SLC8A3: variants seen among roughly 807,000 people sequenced by gnomAD.
The protein encoded by SLC8A3 is sodium/calcium exchanger 3.
A neutral mutation model predicts 65.4 loss-of-function variants in SLC8A3; 37 were observed. The observed-to-expected ratio is 0.57, with a 90% CI of 0.44 to 0.74. The LOEUF (loss-of-function observed/expected upper bound fraction) is 0.74. Among genes scored for constraint, SLC8A3 ranks in the 30% least tolerant of loss-of-function variants. The pLI, the probability that SLC8A3 is intolerant of heterozygous loss-of-function variation, is 0.00. For missense variants in SLC8A3, 1,112 were observed against 1,172.1 expected (o/e 0.95, Z 0.75); for synonymous variants, 461 against 444.5 (o/e 1.04, Z -0.47).
chr14:70,146,433 A>G (rs1381590957), intron 2 of SLC8A3, among the ~76,000 whole-genome samples: 1 of 152,122 alleles, frequency 6.6e-6, no homozygotes, highest in Non-Finnish European at 1.5e-5. Context: ...AAGAGTTGGG[A>G]GACATATTGA....
intron 1 of SLC8A3, among the ~76,000 whole-genome samples, chr14:70,169,262 T>C (rs934952366): frequency 2.0e-5 from 3 of 152,148 alleles, no homozygotes; most frequent in Non-Finnish European, 4.4e-5. Flanking sequence ...AGTTGATAAA[T>C]GGTGAATGCC....
At chr14:70,144,317 T>TTTG (rs1895766599) in intron 2 of SLC8A3, among the ~76,000 whole-genome samples, 1 of 140,778 alleles carries the variant, frequency 7.1e-6, no homozygotes, top group Non-Finnish European at 1.5e-5. Context: ...TGTTTTTTTT[T>TTTG]TTTTTTTTTT....
At position 70,164,291 on chromosome 14, in the gene SLC8A3, G is replaced by A. The variant is rs114965654; in HGVS notation, c.1784+2348C>T. ...TTAGAACCCACGATTTTTCTGCTCC[G>A]TAATACTGCCTCTAGTTGTAAAATT... On this transcript the variant is annotated intron_variant, in intron 2 of 6. Transcript: ENST00000356921. Among the ~76,000 whole-genome samples, 570 of 152,212 alleles carry A rather than the reference G, an allele frequency of 3.7e-3. 3 individuals carry two copies. Among genetic ancestry groups the A allele is most frequent in the African/African-American group, 0.013 (528 of 41,542 alleles).
At chr14:70,068,160 G>T (rs560328805) in intron 2 of SLC8A3, among the ~76,000 whole-genome samples, 1 of 152,218 alleles carries the variant, frequency 6.6e-6, no homozygotes, top group Admixed American at 6.5e-5. Flanking sequence ...TTCAAATCAG[G>T]CCTCTGATCC....
intron 2 of SLC8A3, among the ~76,000 whole-genome samples, chr14:70,081,020 T>G (rs918741868): frequency 7.2e-5 from 11 of 152,240 alleles, no homozygotes; most frequent in African/African-American, 2.7e-4. Context: ...TTCTTTCCAG[T>G]ATACCAATGG....
chr14:70,158,969 G>A (rs1239718409), intron 2 of SLC8A3, among the ~76,000 whole-genome samples: 1 of 152,214 alleles, frequency 6.6e-6, no homozygotes, highest in Non-Finnish European at 1.5e-5. Flanking sequence ...AGAATGTGCA[G>A]AATTTAAATA....
At chr14:70,164,019 C>G (rs572749208) in intron 2 of SLC8A3, among the ~76,000 whole-genome samples, 2 of 152,174 alleles carry the variant, frequency 1.3e-5, no homozygotes, top group Non-Finnish European at 2.9e-5. Flanking sequence ...GTAACCTAAA[C>G]AACTCCACAG....
chr14:70,174,651 G>GGTTTTTTTTTTT (rs1555385182), intron 1 of SLC8A3, among the ~76,000 whole-genome samples: 1 of 90,364 alleles, frequency 1.1e-5, no homozygotes, highest in African/African-American at 4.9e-5. Flanking sequence ...GACCAAATCC[G>GGTTTTTTTTTTT]TTTTTTTTTT....
chr14:70,166,883 C>G lies in SLC8A3; in HGVS notation c.1540G>C (p.Ala514Pro). The change falls in exon 2 of 7, where the codon GCC (alanine) becomes CCC (proline). Residue 514 changes from alanine to proline, a missense_variant. Coordinates refer to ENST00000356921, the MANE Select transcript of SLC8A3 (RefSeq NM_182932.3). ...NSLPLPRAVL[A>P]SPCVATVTIL... ...GTAACTGTGGCCACACAAGGGGAGGCTAGGACAGCCCGAGGCAAGGGAAGA... is the reference window on the plus strand; with the variant it reads ...GTAACTGTGGCCACACAAGGGGAGGGTAGGACAGCCCGAGGCAAGGGAAGA... The G allele has an allele frequency of 6.2e-7, 1 of 1,614,092 alleles. No homozygotes were observed. The highest frequency in any genetic ancestry group is 8.5e-7 in the Non-Finnish European group (1 of 1,179,980).
intron 1 of SLC8A3, among the ~76,000 whole-genome samples, chr14:70,185,618 G>A (rs1883140237): frequency 6.6e-6 from 1 of 152,196 alleles, no homozygotes; most frequent in African/African-American, 2.4e-5. Flanking sequence ...GCTCAGAAGA[G>A]CAGGAACAGA....
intron 2 of SLC8A3, among the ~76,000 whole-genome samples, chr14:70,157,698 C>T (rs994724455): frequency 8.5e-5 from 13 of 152,172 alleles, no homozygotes; most frequent in Admixed American, 8.5e-4. Context: ...TCTAGAGCTA[C>T]CTCAGTCCCC....
At position 70,100,707 on chromosome 14, in the gene SLC8A3, A is replaced by C. The variant is rs79614183; in HGVS notation, c.1785-39768T>G. On this transcript the variant is annotated intron_variant, in intron 2 of 6. Transcript: ENST00000356921. ...TGAAAAACTAAAAACACATTGCAAA[A>C]GAGGGATTATACTTTGCACACATTT... 7.3e-4 allele frequency among the ~76,000 whole-genome samples: 111 copies of C among 152,360 alleles called. 1 individual carries two copies. In the East Asian group the frequency reaches 0.021, roughly 29 times the overall value.
chr14:70,078,813 T>A (rs1177613503), intron 2 of SLC8A3, among the ~76,000 whole-genome samples: 1 of 152,202 alleles, frequency 6.6e-6, no homozygotes, highest in Non-Finnish European at 1.5e-5. Flanking sequence ...GATTTCATGA[T>A]TAGTATGAAG....
intron 2 of SLC8A3, among the ~76,000 whole-genome samples, chr14:70,070,555 G>A (rs1889917568): frequency 6.6e-6 from 1 of 152,204 alleles, no homozygotes; most frequent in South Asian, 2.1e-4. Context: ...TGGAGGAAAT[G>A]CTACTTACTC....
At chr14:70,115,364 G>T (rs6573927) in intron 2 of SLC8A3, among the ~76,000 whole-genome samples, 120,811 of 152,208 alleles carry the variant, frequency 0.79, 48,144 homozygotes, top group East Asian at 0.95. Context: ...TGATTCCGGA[G>T]AGCAGCCTTT....
intron 2 of SLC8A3, among the ~76,000 whole-genome samples, chr14:70,140,409 A>G (rs1895487221): frequency 6.6e-6 from 1 of 152,190 alleles, no homozygotes; most frequent in African/African-American, 2.4e-5. Flanking sequence ...ATAACTTACC[A>G]AAAGCCACAC....
chr14:70,093,946 G>A (rs1891980060), intron 2 of SLC8A3, among the ~76,000 whole-genome samples: 1 of 152,202 alleles, frequency 6.6e-6, no homozygotes, highest in South Asian at 2.1e-4. Flanking sequence ...GCTCCCACTA[G>A]TTTGTGCAGT....
chr14:70,180,183 G>T (rs1882623226), intron 1 of SLC8A3, among the ~76,000 whole-genome samples: 1 of 152,344 alleles, frequency 6.6e-6, no homozygotes, highest in Admixed American at 6.5e-5. Flanking sequence ...ATCAAGGGAT[G>T]CTGGTGATCA....
At chr14:70,070,147 T>C (rs1889879237) in intron 2 of SLC8A3, among the ~76,000 whole-genome samples, 1 of 152,122 alleles carries the variant, frequency 6.6e-6, no homozygotes, top group South Asian at 2.1e-4. Context: ...ACATCCAGAG[T>C]AGGGTGACTA....
Sources: gnomAD v4.1 joint callset for allele counts (sites outside exome capture counted in the v4.1 genomes callset) on GRCh38, gnomAD v4.1.1 for gene constraint, MANE v1.5 for transcripts, NCBI Gene and HGNC (gene_info 2026-07-23, HGNC 2026-07-21) for gene names.